CACNA1C: variants seen among roughly 807,000 people sequenced by gnomAD.
The protein encoded by CACNA1C is calcium voltage-gated channel subunit alpha1 C.
In CACNA1C, 30 loss-of-function variants were observed where a neutral mutation model predicts 229.0. That is an observed-to-expected ratio of 0.13 (90% CI 0.10 to 0.18). The LOEUF is 0.18. CACNA1C is among the 10% of genes least tolerant of loss of function. The pLI, the probability that CACNA1C is intolerant of heterozygous loss-of-function variation, is 1.00. For missense variants in CACNA1C, 1,658 were observed against 2,845.0 expected (o/e 0.58, Z 9.49); for synonymous variants, 1,114 against 1,132.5 (o/e 0.98, Z 0.33).
chr12:2,697,113 G>C lies in CACNA1C; in HGVS notation c.*5914G>C, dbSNP rs1346369818. On this transcript the variant is annotated 3_prime_UTR_variant, in exon 47 of 47. Coordinates refer to ENST00000399655, the MANE Select transcript of CACNA1C (RefSeq NM_000719.7). ...GAGGTGTCTCCAGCATCCCAAAGCT[G>C]TGCGCACCTTCTCTTTTCCTGCCTC... The C allele has an allele frequency of 6.6e-6, 1 of 152,304 alleles. No homozygotes were observed. The highest frequency in any genetic ancestry group is 1.9e-4 in the East Asian group (1 of 5,188). 9.4% of individuals were successfully genotyped at this position (152,304 alleles called of 1,614,324 possible).
chr12:2,021,946 C>G (rs899821813), intron 1 of CACNA1C, among the ~76,000 whole-genome samples: 1 of 152,226 alleles, frequency 6.6e-6, no homozygotes, highest in Admixed American at 6.5e-5. Flanking sequence ...CACAGTCAGA[C>G]TATCGCAAGT....
intron 3 of CACNA1C, among the ~76,000 whole-genome samples, chr12:2,326,337 T>C (rs1489434913): frequency 2.0e-5 from 3 of 152,202 alleles, no homozygotes; most frequent in Admixed American, 1.3e-4. Context: ...GAAAACTTAA[T>C]GCAAATCTTT....
At chr12:1,985,393 G>A (rs1405729409) in intron 1 of CACNA1C, among the ~76,000 whole-genome samples, 1 of 151,988 alleles carries the variant, frequency 6.6e-6, no homozygotes, top group Non-Finnish European at 1.5e-5. Context: ...TCTGCATTTT[G>A]CTATTAAGAC....
At chr12:2,487,779 C>T (rs563481439) in intron 6 of CACNA1C, among the ~76,000 whole-genome samples, 2 of 152,136 alleles carry the variant, frequency 1.3e-5, no homozygotes, top group Non-Finnish European at 2.9e-5. Context: ...TAAAGAAATG[C>T]GAAACCATAT....
intron 1 of CACNA1C, among the ~76,000 whole-genome samples, chr12:2,059,565 C>T (rs1565432182): frequency 6.6e-6 from 1 of 152,146 alleles, no homozygotes; most frequent in Admixed American, 6.5e-5. Flanking sequence ...CTGCAAAACA[C>T]CTTCACTTTA....
At chr12:2,350,468 G>T (rs1248189052) in intron 3 of CACNA1C, among the ~76,000 whole-genome samples, 1 of 152,180 alleles carries the variant, frequency 6.6e-6, no homozygotes, top group Non-Finnish European at 1.5e-5. Context: ...AGACAGTCTG[G>T]CTCCAGAATC....
At chr12:2,282,636 C>T (rs1264809816) in intron 3 of CACNA1C, among the ~76,000 whole-genome samples, 3 of 152,210 alleles carry the variant, frequency 2.0e-5, no homozygotes, top group South Asian at 2.1e-4. Flanking sequence ...TCAGGTACAG[C>T]GCACCCGCCT....
intron 20 of CACNA1C, among the ~76,000 whole-genome samples, chr12:2,596,811 C>T (rs181017265): frequency 3.2e-4 from 48 of 152,280 alleles, no homozygotes; most frequent in African/African-American, 1.0e-3. Context: ...GTCCCACCAA[C>T]GTGAGCGAAG....
At chr12:2,501,560 A>G (rs1391703028) in intron 7 of CACNA1C, among the ~76,000 whole-genome samples, 3 of 152,270 alleles carry the variant, frequency 2.0e-5, no homozygotes, top group African/African-American at 7.2e-5. Flanking sequence ...CCCATCGTCA[A>G]ATGGGACCTG....
chr12:2,158,738 A>G (rs1260935554), intron 3 of CACNA1C, among the ~76,000 whole-genome samples: 1 of 152,180 alleles, frequency 6.6e-6, no homozygotes, highest in African/African-American at 2.4e-5. Flanking sequence ...ATAGGTAAAA[A>G]TATAAAACAA....
intron 3 of CACNA1C, among the ~76,000 whole-genome samples, chr12:2,362,467 C>G (rs1035451100): frequency 1.3e-5 from 2 of 152,190 alleles, no homozygotes; most frequent in African/African-American, 2.4e-5. Flanking sequence ...CTTCCTCCCC[C>G]ATAGACCCAC....
At chr12:2,438,060 G>A (rs1027865496) in intron 3 of CACNA1C, among the ~76,000 whole-genome samples, 13 of 146,774 alleles carry the variant, frequency 8.9e-5, no homozygotes, top group African/African-American at 3.0e-4. Flanking sequence ...AATGATGGTG[G>A]TGATGATGGT....
At chr12:2,414,880 G>A (rs1243858806) in intron 3 of CACNA1C, among the ~76,000 whole-genome samples, 2 of 152,118 alleles carry the variant, frequency 1.3e-5, no homozygotes, top group Admixed American at 1.3e-4. Flanking sequence ...CTGGGATCAC[G>A]GGCTTTCTTT....
intron 3 of CACNA1C, among the ~76,000 whole-genome samples, chr12:2,169,892 G>A (rs1375389074): frequency 6.6e-6 from 1 of 152,192 alleles, no homozygotes; most frequent in Non-Finnish European, 1.5e-5. Context: ...TGATTGAGGA[G>A]CACATTACCT....
intron 3 of CACNA1C, among the ~76,000 whole-genome samples, chr12:2,268,380 C>A (rs892827006): frequency 6.6e-6 from 1 of 152,160 alleles, no homozygotes; most frequent in Admixed American, 6.5e-5. Flanking sequence ...GTTTGTTGAT[C>A]GACTTATCCA....
intron 3 of CACNA1C, among the ~76,000 whole-genome samples, chr12:2,162,300 A>C (rs2154249269): frequency 6.6e-6 from 1 of 151,548 alleles, no homozygotes; most frequent in South Asian, 2.1e-4. Context: ...CTGAACCTAA[A>C]CCGCTCTGAG....
At chr12:2,230,383 G>A (rs2064620018) in intron 3 of CACNA1C, among the ~76,000 whole-genome samples, 1 of 152,234 alleles carries the variant, frequency 6.6e-6, no homozygotes, top group Non-Finnish European at 1.5e-5. Flanking sequence ...TGGCGGTCCC[G>A]GAAGGGGAGG....
chr12:2,036,536 G>T (rs892258416), intron 1 of CACNA1C, among the ~76,000 whole-genome samples: 73 of 151,858 alleles, frequency 4.8e-4, no homozygotes, highest in African/African-American at 1.8e-3. Flanking sequence ...TGCGATGTTG[G>T]CTCACTGCAA....
chr12:2,018,253 C>T (rs2045755043), intron 1 of CACNA1C: 1 of 152,116 alleles, frequency 6.6e-6, no homozygotes, highest in Admixed American at 6.5e-5. Flanking sequence ...ATAGCATAGG[C>T]TGACATGTAT....
Sources: allele counts gnomAD v4.1 joint callset (sites outside exome capture counted in the v4.1 genomes callset), GRCh38; gene constraint gnomAD v4.1.1; transcripts MANE v1.5; gene names NCBI Gene and HGNC (gene_info 2026-07-23, HGNC 2026-07-21).